The following EIF2AK2 variants were observed in gnomAD, a reference collection of about 807,000 sequenced individuals.
EIF2AK2 encodes interferon-induced, double-stranded RNA-activated protein kinase.
In EIF2AK2, 40 loss-of-function variants were observed where a neutral mutation model predicts 70.5. That is an observed-to-expected ratio of 0.57 (90% CI 0.44 to 0.74). EIF2AK2 has a LOEUF of 0.74. Ranked by LOEUF, EIF2AK2 falls within the 30% of genes least tolerant of loss-of-function variation. The pLI is 0.00. For missense variants in EIF2AK2, 555 were observed against 644.3 expected (o/e 0.86, Z 1.50); for synonymous variants, 198 against 220.9 (o/e 0.90, Z 0.92).
chr2:37,155,846 A>C (rs7606786), intron 1 of EIF2AK2, among the ~76,000 whole-genome samples: 62,003 of 150,914 alleles, frequency 0.41, 13,398 homozygotes, highest in East Asian at 0.77. Flanking sequence ...GAGGCTGAGG[A>C]AGGAAAATCG....
At chr2:37,122,933 G>A (rs760617890) in intron 11 of EIF2AK2, among the ~76,000 whole-genome samples, 22 of 152,096 alleles carry the variant, frequency 1.4e-4, no homozygotes, top group Non-Finnish European at 2.5e-4. Flanking sequence ...TTTGGGAGGC[G>A]AAGGTGGGCG....
intron 14 of EIF2AK2, chr2:37,109,499 A>G: frequency 3.9e-6 from 2 of 509,440 alleles, no homozygotes; most frequent in South Asian, 2.6e-5. Flanking sequence ...AACGATCAAC[A>G]TGGGAATAAT....
intron 5 of EIF2AK2, among the ~76,000 whole-genome samples, chr2:37,140,397 G>C (rs1352684799): frequency 6.6e-6 from 1 of 152,100 alleles, no homozygotes; most frequent in African/African-American, 2.4e-5. Flanking sequence ...TAAAACAATG[G>C]ACATGGCAAT....
chr2:37,152,193 G>A (rs1043300201), intron 1 of EIF2AK2, among the ~76,000 whole-genome samples: 2 of 152,202 alleles, frequency 1.3e-5, no homozygotes, highest in Admixed American at 1.3e-4. Flanking sequence ...TCCAGAATCG[G>A]TAAATCCATA....
intron 5 of EIF2AK2, among the ~76,000 whole-genome samples, chr2:37,139,968 G>C (rs1330445245): frequency 2.6e-5 from 4 of 152,034 alleles, no homozygotes; most frequent in Non-Finnish European, 4.4e-5. Context: ...ATCTGAGCTT[G>C]CATTTTCCAG....
chr2:37,107,113 A>G lies in EIF2AK2; in HGVS notation c.*160T>C, dbSNP rs1376742240. ...GTAAGAATGTTTTTGAAGCAAAAAG[A>G]AGAAAACCTTTCTGTTTCTGCAGAA... On this transcript the variant is annotated 3_prime_UTR_variant, in exon 17 of 17. Transcript: ENST00000233057. 8.6e-6 allele frequency: 8 copies of G among 933,034 alleles called. No homozygotes were observed. The allele number at this position is 933,034 out of a possible 1,614,324, so 57.8% of individuals were successfully genotyped here.
At chr2:37,145,071 T>C (rs933942733) in intron 4 of EIF2AK2, among the ~76,000 whole-genome samples, 3 of 151,164 alleles carry the variant, frequency 2.0e-5, no homozygotes, top group Non-Finnish European at 4.4e-5. Context: ...AAAAAGCTTA[T>C]AGAATAAACA....
intron 14 of EIF2AK2, 137 bp from the exon 15 acceptor site, chr2:37,109,432 T>C (rs1674071664): frequency 1.5e-6 from 1 of 664,260 alleles, no homozygotes; most frequent in Admixed American, 3.0e-5. Flanking sequence ...ATCTGTGGAG[T>C]CTGACTGCCT....
At chr2:37,137,808 TA>T (rs1558423274) in intron 8 of EIF2AK2, among the ~76,000 whole-genome samples, 1 of 151,806 alleles carries the variant, frequency 6.6e-6, no homozygotes. Context: ...AACTTAATTT[TA>T]AAAAAAGTCA....
Position 37,150,922 on chromosome 2 carries a change from T to C in EIF2AK2, c.-183-1899A>G, listed in dbSNP as rs566794688. Among the ~76,000 whole-genome samples, 247 of 152,254 alleles carry C rather than the reference T, an allele frequency of 1.6e-3. 2 individuals are homozygous for C. Among genetic ancestry groups the C allele is most frequent in the African/African-American group, 5.6e-3 (231 of 41,544 alleles). ...TATAGGTCTCACTGGACCAAGTCTA[T>C]AGCAATGATTTAAATTATAAACAAA... On this transcript the variant is annotated intron_variant, in intron 1 of 16. Transcript: ENST00000233057.
intron 5 of EIF2AK2, among the ~76,000 whole-genome samples, 173 bp downstream of exon 5, chr2:37,141,380 G>A (rs1220652601): frequency 6.6e-6 from 1 of 152,116 alleles, no homozygotes; most frequent in East Asian, 1.9e-4. Flanking sequence ...CATGGCTTCA[G>A]CAATTAAGCA....
intron 3 of EIF2AK2, 32 bp from the exon 4 acceptor site, chr2:37,147,005 A>G: frequency 4.4e-6 from 7 of 1,588,250 alleles, no homozygotes; most frequent in Non-Finnish European, 6.0e-6. Context: ...ATAAAATATT[A>G]TACAACTCAT....
At chr2:37,121,849 G>C (rs1239353218) in intron 12 of EIF2AK2, among the ~76,000 whole-genome samples, 1 of 152,072 alleles carries the variant, frequency 6.6e-6, no homozygotes, top group Non-Finnish European at 1.5e-5. Flanking sequence ...GAAAATGAAT[G>C]AATGGGACCC....
At chr2:37,135,578 AT>A in intron 9 of EIF2AK2, 32 bp from the exon 10 acceptor site, 1 of 1,553,920 alleles carries the variant, frequency 6.4e-7, no homozygotes, top group Non-Finnish European at 8.8e-7. Flanking sequence ...TAAAACTCAA[AT>A]AAAATTGAAA....
intron 2 of EIF2AK2, among the ~76,000 whole-genome samples, chr2:37,148,201 G>T (rs1414121803): frequency 6.6e-6 from 1 of 152,120 alleles, no homozygotes; most frequent in African/African-American, 2.4e-5. Context: ...AACTCAACTG[G>T]TCAGTGAAAG....
rs558719399 is a variant in EIF2AK2, at chr2:37,099,548, G to A, written c.*7725C>T. ...AGATTCATTTTGAGTGGGAGATGTT[G>A]GAACACTTTGGAAATAACACTGAAT... is the stretch of plus-strand genomic sequence containing the variant. On this transcript the variant is annotated 3_prime_UTR_variant, in exon 17 of 17. Coordinates refer to ENST00000233057, the MANE Select transcript of EIF2AK2 (RefSeq NM_001135651.3). 4.9e-4 allele frequency: 74 copies of A among 152,270 alleles called. No homozygotes were observed. Among genetic ancestry groups the A allele is most frequent in the African/African-American group, 1.8e-3 (73 of 41,552 alleles). 9.4% of individuals were successfully genotyped at this position (152,270 alleles called of 1,614,324 possible). A position where few individuals can be genotyped will look rare whatever the true frequency, so the allele number is the denominator to read the frequency against.
intron 12 of EIF2AK2, 28 bp downstream of exon 12, chr2:37,122,478 A>G (rs1268850151): frequency 1.6e-5 from 26 of 1,608,670 alleles, no homozygotes; most frequent in Non-Finnish European, 2.1e-5. Flanking sequence ...CCATCCTATT[A>G]TGGCTATGAG....
intron 8 of EIF2AK2, among the ~76,000 whole-genome samples, chr2:37,137,839 G>A (rs995421690): frequency 2.6e-5 from 4 of 152,276 alleles, no homozygotes; most frequent in African/African-American, 4.8e-5. Flanking sequence ...CGAGCCGGGC[G>A]CGGTGGCTCA....
At chr2:37,138,235 A>G (rs1048393891) in intron 8 of EIF2AK2, 35 bp downstream of exon 8, 1 of 1,489,460 alleles carries the variant, frequency 6.7e-7, no homozygotes, top group Middle Eastern at 1.8e-4. Context: ...CAGAAAAATA[A>G]GATTAAGTAG....
Sources: gnomAD v4.1 joint callset for allele counts (sites outside exome capture counted in the v4.1 genomes callset) on GRCh38, gnomAD v4.1.1 for gene constraint, MANE v1.5 for transcripts, NCBI Gene and HGNC (gene_info 2026-07-23, HGNC 2026-07-21) for gene names.